TRAK1: variants seen among roughly 807,000 people sequenced by gnomAD.
TRAK1 encodes trafficking kinesin protein 1.
A neutral mutation model predicts 92.1 loss-of-function variants in TRAK1; 33 were observed. The observed-to-expected ratio is 0.36, with a 90% confidence interval of 0.27 to 0.48. TRAK1 has a LOEUF of 0.48. TRAK1 is among the 20% of genes least tolerant of loss of function. TRAK1 has a pLI of 0.99. For missense variants in TRAK1, 1,123 were observed against 1,257.9 expected (o/e 0.89, Z 1.62); for synonymous variants, 521 against 517.3 (o/e 1.01, Z -0.10).
intron 14 of TRAK1, chr3:42,210,819 G>A (rs1157644135): frequency 1.0e-6 from 1 of 985,344 alleles, no homozygotes; most frequent in Non-Finnish European, 1.2e-6. Context: ...CCTAGATGAA[G>A]TTGGAAAAGA....
Position 42,193,896 on chromosome 3 carries a change from G to A in TRAK1, c.973G>A (p.Glu325Lys), listed in dbSNP as rs1425222152. Residue 325 changes from glutamate (E) to lysine (K), a missense_variant and splice_region_variant, in exon 9 of 16, where the codon GAG (glutamate) becomes AAG (lysine). This residue lies in a region of TRAK1 where 686 missense variants were observed against 747.6 expected (regional missense o/e 0.92). Coordinates refer to ENST00000327628, the MANE Select transcript of TRAK1 (RefSeq NM_001042646.3). ...GGATGCCCAGCGGCAGCTCACAGCC[G>A]AGGTGAGCACCTCTCCCTCATTCCT... ...AKDAQRQLTA[E>K]LRELEDKYAE... 1.9e-6 allele frequency: 3 copies of A among 1,613,862 alleles called. No homozygotes were observed. The highest frequency in any genetic ancestry group is 2.2e-5 in the South Asian group (2 of 91,042).
At chr3:42,024,150 A>G (rs1701833248) in intron 1 of TRAK1, among the ~76,000 whole-genome samples, 1 of 152,074 alleles carries the variant, frequency 6.6e-6, no homozygotes, top group Admixed American at 6.6e-5. Flanking sequence ...GGGTTTGGGG[A>G]CCATTCCTGT....
At chr3:42,077,034 C>T (rs1378461713) in intron 1 of TRAK1, among the ~76,000 whole-genome samples, 1 of 152,114 alleles carries the variant, frequency 6.6e-6, no homozygotes, top group Non-Finnish European at 1.5e-5. Flanking sequence ...GTTACTGTAG[C>T]CTTGTAGTAT....
intron 4 of TRAK1, among the ~76,000 whole-genome samples, chr3:42,187,129 T>C (rs1244269016): frequency 2.0e-5 from 3 of 152,232 alleles, no homozygotes; most frequent in African/African-American, 4.8e-5. Flanking sequence ...TCCCTGATGG[T>C]TGGCTCTTTT....
At chr3:42,189,942 C>T (rs1705452149) in intron 6 of TRAK1, among the ~76,000 whole-genome samples, 1 of 152,086 alleles carries the variant, frequency 6.6e-6, no homozygotes, top group South Asian at 2.1e-4. Context: ...GCATTTTGCC[C>T]ACATTTTTTT....
At chr3:42,217,385 G>A (rs1559403056) in intron 14 of TRAK1, 2 of 985,178 alleles carry the variant, frequency 2.0e-6, no homozygotes, top group Admixed American at 6.2e-5. Context: ...GGTCTTCTAC[G>A]GCTATTCATT....
chr3:42,066,442 A>C (rs1703681517), intron 1 of TRAK1, among the ~76,000 whole-genome samples: 1 of 152,046 alleles, frequency 6.6e-6, no homozygotes, highest in African/African-American at 2.4e-5. Flanking sequence ...AGAGAGAGAG[A>C]GAGCACCCAG....
At chr3:42,142,790 A>T (rs537285374) in intron 2 of TRAK1, among the ~76,000 whole-genome samples, 1 of 152,196 alleles carries the variant, frequency 6.6e-6, no homozygotes, top group Non-Finnish European at 1.5e-5. Context: ...TTGAAGATTC[A>T]TGGCCTTTAC....
At chr3:42,156,403 C>T (rs1447304587) in intron 2 of TRAK1, among the ~76,000 whole-genome samples, 1 of 152,188 alleles carries the variant, frequency 6.6e-6, no homozygotes, top group Non-Finnish European at 1.5e-5. Context: ...CATGAAGAGT[C>T]TAGGGTGGTC....
intron 1 of TRAK1, among the ~76,000 whole-genome samples, chr3:42,119,366 G>GA (rs140993407): frequency 0.014 from 2,063 of 152,190 alleles, 57 homozygotes; most frequent in East Asian, 0.13. Flanking sequence ...TCAGATTTGT[G>GA]AAAAAAATGT....
At chr3:42,068,158 TAA>T (rs879692318) in intron 1 of TRAK1, among the ~76,000 whole-genome samples, 1 of 142,220 alleles carries the variant, frequency 7.0e-6, no homozygotes, top group Admixed American at 7.1e-5. Flanking sequence ...AGACTCTGTC[TAA>T]AAAAAAAAAA....
At chr3:42,085,995 T>C (rs1236494189), upstream of TRAK1, among the ~76,000 whole-genome samples, 2 of 152,182 alleles carry the variant, frequency 1.3e-5, no homozygotes, top group African/African-American at 4.8e-5. Context: ...CTCAGGAAAC[T>C]CCAGGGATTC....
At chr3:42,185,973 CTTTTT>C (rs1054954407) in intron 4 of TRAK1, among the ~76,000 whole-genome samples, 1 of 83,964 alleles carries the variant, frequency 1.2e-5, no homozygotes, top group Non-Finnish European at 2.2e-5. Context: ...TGTGCCCAGC[CTTTTT>C]TTTTTTTTTT....
intron 3 of TRAK1, among the ~76,000 whole-genome samples, chr3:42,183,085 T>C (rs1341768919): frequency 6.6e-6 from 1 of 152,222 alleles, no homozygotes; most frequent in Non-Finnish European, 1.5e-5. Flanking sequence ...CCAGTACTCA[T>C]ATAGGTGAAT....
At chr3:42,035,483 C>T (rs757541551) in intron 1 of TRAK1, among the ~76,000 whole-genome samples, 3 of 152,194 alleles carry the variant, frequency 2.0e-5, no homozygotes, top group Admixed American at 6.5e-5. Context: ...TACCCGTTCC[C>T]TGCCACCCCC....
upstream of TRAK1, among the ~76,000 whole-genome samples, chr3:42,088,833 C>T (rs780754466): frequency 6.6e-6 from 1 of 152,216 alleles, no homozygotes; most frequent in Non-Finnish European, 1.5e-5. Context: ...TTCTTCTTCT[C>T]CCAAGCCTGG....
chr3:42,205,769 C>A (rs1708257479), intron 13 of TRAK1, among the ~76,000 whole-genome samples: 1 of 152,246 alleles, frequency 6.6e-6, no homozygotes, highest in Non-Finnish European at 1.5e-5. Context: ...GGGGTTTCCT[C>A]TCCTTTGATG....
intron 1 of TRAK1, among the ~76,000 whole-genome samples, chr3:42,047,761 G>T (rs764370701): frequency 2.0e-5 from 3 of 152,122 alleles, no homozygotes; most frequent in Non-Finnish European, 2.9e-5. Flanking sequence ...ATCCCAAATT[G>T]TACTACTCAG....
At position 42,224,783 on chromosome 3, in the gene TRAK1, A is replaced by G. The variant is rs548120703; in HGVS notation, c.*1046A>G. ...TAATACCAAACCGGTTCCAGGGGGAAACAAGGCTTTGGTATTCCGCTGGCT... is the reference window on the plus strand; with the variant it reads ...TAATACCAAACCGGTTCCAGGGGGAGACAAGGCTTTGGTATTCCGCTGGCT... On this transcript the variant is annotated 3_prime_UTR_variant, in exon 16 of 16. Transcript: ENST00000327628. 2 of 152,368 alleles carry G rather than the reference A, an allele frequency of 1.3e-5. No homozygotes were observed. The highest frequency in any genetic ancestry group is 2.9e-5 in the Non-Finnish European group (2 of 68,050). 9.4% of individuals were successfully genotyped at this position (152,368 alleles called of 1,614,324 possible). A position where few individuals can be genotyped will look rare whatever the true frequency, so the allele number is the denominator to read the frequency against.
Sources: allele counts gnomAD v4.1 joint callset (sites outside exome capture counted in the v4.1 genomes callset), GRCh38; gene constraint gnomAD v4.1.1; regional missense constraint gnomAD v4.1.1; transcripts MANE v1.5; gene names NCBI Gene and HGNC (gene_info 2026-07-23, HGNC 2026-07-21).